ADCY10: variants seen among roughly 807,000 people sequenced by gnomAD.
The protein encoded by ADCY10 is adenylate cyclase 10, also known as adenylate cyclase type 10.
A neutral mutation model predicts 183.3 loss-of-function variants in ADCY10; 156 were observed. The ratio of observed to expected loss-of-function variants is 0.85; its 90% CI spans 0.75 to 0.97. ADCY10 has a LOEUF of 0.97. ADCY10 is among the 50% of genes least tolerant of loss of function. The pLI, the probability that ADCY10 is intolerant of heterozygous loss-of-function variation, is 0.00. For synonymous variants in ADCY10, 645 were observed against 670.0 expected, an observed-to-expected ratio of 0.96 and a Z score of 0.58; for missense variants, 1,745 against 1,934.3, an observed-to-expected ratio of 0.90 and a Z score of 1.84.
chr1:167,883,707 G>T (rs539262334), intron 8 of ADCY10, 79 bp from the exon 9 acceptor site: 2 of 1,333,586 alleles, frequency 1.5e-6, no homozygotes, highest in East Asian at 2.3e-5. Flanking sequence ...CCTCATACCC[G>T]AAATCATCTA....
intron 9 of ADCY10, among the ~76,000 whole-genome samples, chr1:167,881,014 A>G (rs919613531): frequency 6.6e-6 from 1 of 152,240 alleles, no homozygotes; most frequent in African/African-American, 2.4e-5. Context: ...GGAAACTTAG[A>G]TAAGTCTATT....
chr1:167,875,240 G>T, intron 12 of ADCY10, 54 bp from the exon 13 acceptor site: 1 of 1,542,238 alleles, frequency 6.5e-7, no homozygotes, highest in South Asian at 1.1e-5. Flanking sequence ...GACATATTGA[G>T]AGCAAGAGTG....
chr1:167,847,868 C>T (rs566190236), intron 19 of ADCY10, among the ~76,000 whole-genome samples: 18 of 152,258 alleles, frequency 1.2e-4, no homozygotes, highest in Admixed American at 7.2e-4. Flanking sequence ...TTATGCAGAT[C>T]CCAGAATATA....
chr1:167,831,046 C>T (rs1026901356), intron 25 of ADCY10, among the ~76,000 whole-genome samples: 5 of 152,160 alleles, frequency 3.3e-5, no homozygotes, highest in African/African-American at 9.7e-5. Flanking sequence ...AGCTGTGCCC[C>T]GACCACCTTG....
At chr1:167,885,324 T>TG (rs1487024725) in intron 8 of ADCY10, among the ~76,000 whole-genome samples, 2 of 152,198 alleles carry the variant, frequency 1.3e-5, no homozygotes, top group African/African-American at 4.8e-5. Context: ...ATTTCTAGAT[T>TG]GTATGGTAGC....
intron 3 of ADCY10, among the ~76,000 whole-genome samples, 168 bp downstream of exon 3, chr1:167,903,719 T>C (rs766777024): frequency 2.6e-5 from 4 of 152,230 alleles, no homozygotes; most frequent in Non-Finnish European, 5.9e-5. Context: ...TTATATTTAT[T>C]TCTTCAGTTA....
chr1:167,878,216 T>A (rs1237630122), intron 12 of ADCY10, among the ~76,000 whole-genome samples: 1 of 152,156 alleles, frequency 6.6e-6, no homozygotes, highest in Non-Finnish European at 1.5e-5. Context: ...CTTTGAAGAA[T>A]TACCCTCATA....
At position 167,896,472 on chromosome 1, in the gene ADCY10, G is replaced by C. The variant is rs569068735; in HGVS notation, c.739+123C>G. The C allele has an allele frequency of 4.9e-4, 397 of 808,178 alleles. 3 individuals are homozygous for C. The highest frequency in any genetic ancestry group is 2.8e-4 in the Admixed American group (16 of 57,082). 50.1% of individuals were successfully genotyped at this position (808,178 alleles called of 1,614,324 possible). A position where few individuals can be genotyped will look rare whatever the true frequency, so the allele number is the denominator to read the frequency against. ...AATGGGAAGTAGGTCCCCTTTGTGT[G>C]CTGGTAAGGACCAGGAGCTGTGTTG... On this transcript the variant is annotated intron_variant, in intron 7 of 32. Coordinates refer to ENST00000367851, the MANE Select transcript of ADCY10 (RefSeq NM_018417.6).
intron 18 of ADCY10, among the ~76,000 whole-genome samples, chr1:167,853,438 G>A (rs1665645761): frequency 6.6e-6 from 1 of 152,088 alleles, no homozygotes; most frequent in Non-Finnish European, 1.5e-5. Context: ...CCATGGCAGG[G>A]CTTTCTTTTT....
chr1:167,904,621 C>T (rs1264654895), intron 2 of ADCY10: 2 of 519,996 alleles, frequency 3.8e-6, no homozygotes, highest in East Asian at 3.0e-5. Context: ...GAAGAGGTGG[C>T]AAGTTTATTA....
Position 167,874,527 on chromosome 1 carries a change from C to T in ADCY10, c.1462+604G>A, listed in dbSNP as rs1667319246. Among the ~76,000 whole-genome samples, 3 of 152,052 alleles carry T rather than the reference C, an allele frequency of 2.0e-5. No homozygotes were observed. The South Asian group carries it at 6.2e-4, about 32-fold the overall frequency. On this transcript the variant is annotated intron_variant, in intron 13 of 32. Transcript: ENST00000367851. Reference sequence around the variant, plus strand: ...ACAACTGGAACTCTCTTAACATTCTCAGTCAGAATATAAATAAATACAACC... The same window carrying T: ...ACAACTGGAACTCTCTTAACATTCTTAGTCAGAATATAAATAAATACAACC...
rs911038551 is a variant in ADCY10, at chr1:167,809,576, A to C, written c.*102T>G. The C allele has an allele frequency of 6.5e-4, 792 of 1,224,314 alleles. No individual in the cohort carries two copies. The highest frequency in any genetic ancestry group is 8.0e-4 in the Non-Finnish European group (664 of 832,762). The allele number at this position is 1,224,314 out of a possible 1,614,324, so 75.8% of individuals were successfully genotyped here. ...TGTCTGTTTCTGTGTCTGGAACAGAAGAGATTATGTAGGAACCTGGAGTGG... is the reference window on the plus strand; with the variant it reads ...TGTCTGTTTCTGTGTCTGGAACAGACGAGATTATGTAGGAACCTGGAGTGG... On this transcript the variant is annotated 3_prime_UTR_variant, in exon 33 of 33. Transcript: ENST00000367851.
At chr1:167,889,655 G>C (rs1048149204) in intron 8 of ADCY10, among the ~76,000 whole-genome samples, 1 of 152,176 alleles carries the variant, frequency 6.6e-6, no homozygotes, top group Non-Finnish European at 1.5e-5. Flanking sequence ...GTTGGTATTA[G>C]TTCTTCAAGT....
chr1:167,812,621 C>T (rs1276062394), intron 31 of ADCY10, among the ~76,000 whole-genome samples: 1 of 152,074 alleles, frequency 6.6e-6, no homozygotes, highest in Admixed American at 6.6e-5. Flanking sequence ...TACCAAGAAA[C>T]AGGAAAGCAT....
At chr1:167,827,190 T>C (rs1350007808) in intron 26 of ADCY10, among the ~76,000 whole-genome samples, 1 of 151,612 alleles carries the variant, frequency 6.6e-6, no homozygotes, top group Non-Finnish European at 1.5e-5. Flanking sequence ...TTTCCTGAGA[T>C]GGAGTCTTGC....
chr1:167,878,766 C>CTA lies in ADCY10; in HGVS notation c.1217-133_1217-132dup, dbSNP rs1378475153. ...TGCTGTTCATGAGTGACACAGAAGC[C>CTA]TAGTCTCAAGACCCATATTCAGCCA... On this transcript the variant is annotated intron_variant, in intron 11 of 32. Coordinates refer to ENST00000367851, the MANE Select transcript of ADCY10 (RefSeq NM_018417.6). 8.6e-6 allele frequency: 8 copies of CTA among 931,208 alleles called. No homozygotes were observed. In the Admixed American group the frequency reaches 1.4e-4, roughly 17 times the overall value. The allele number at this position is 931,208 out of a possible 1,614,324, so 57.7% of individuals were successfully genotyped here.
chr1:167,842,492 G>T (rs2101950207), intron 21 of ADCY10, among the ~76,000 whole-genome samples: 1 of 151,960 alleles, frequency 6.6e-6, no homozygotes, highest in South Asian at 2.1e-4. Context: ...ATTGCCTAAA[G>T]GTTATACTCC....
chr1:167,888,541 C>G lies in ADCY10; in HGVS notation c.829-4913G>C, dbSNP rs541539631. The stretch of plus-strand genomic sequence containing the variant: ...TAGCTATTGTTAACAGGATTACTTT[C>G]TTGATTTCTTTTTCAGATTGTTCCC... On this transcript the variant is annotated intron_variant, in intron 8 of 32. Transcript: ENST00000367851. Among the ~76,000 whole-genome samples, 9 of 152,020 alleles carry G rather than the reference C, an allele frequency of 5.9e-5. No homozygotes were observed. In the East Asian group the frequency reaches 1.7e-3, roughly 29 times the overall value.
At chr1:167,878,778 C>A in intron 11 of ADCY10, 143 bp from the exon 12 acceptor site, 1 of 846,786 alleles carries the variant, frequency 1.2e-6, no homozygotes, top group South Asian at 1.6e-5. Flanking sequence ...AGTCTCAAGA[C>A]CCATATTCAG....
Sources: gnomAD v4.1 joint callset for allele counts (sites outside exome capture counted in the v4.1 genomes callset) on GRCh38, gnomAD v4.1.1 for gene constraint, MANE v1.5 for transcripts, NCBI Gene and HGNC (gene_info 2026-07-23, HGNC 2026-07-21) for gene names.